CD22: variants seen among roughly 807,000 people sequenced by gnomAD.
CD22 encodes the protein CD22 molecule.
In CD22, 51 loss-of-function variants were observed where a neutral mutation model predicts 94.7. That is an observed-to-expected ratio of 0.54 (90% confidence interval 0.43 to 0.68). CD22 has a LOEUF of 0.68. Among genes scored for constraint, CD22 ranks in the 30% least tolerant of loss-of-function variants. CD22 has a pLI of 0.00. For synonymous variants in CD22, 424 were observed against 422.5 expected (o/e 1.00, Z -0.04); for missense variants, 931 against 1,060.4 (o/e 0.88, Z 1.69).
At position 35,346,800 on chromosome 19, in the gene CD22, G is replaced by GCACACACACACACACACGCA. The variant is rs1185154907; in HGVS notation, c.*121_*140dup. On this transcript the variant is annotated 3_prime_UTR_variant, in exon 14 of 14. Coordinates refer to ENST00000085219, the MANE Select transcript of CD22 (RefSeq NM_001771.4). Reference sequence around the variant, plus strand: ...ATGGCTTCCTCCTGCGCGCATGTGCGCACACACACACACACACGCACACAC... The same window carrying GCACACACACACACACACGCA: ...ATGGCTTCCTCCTGCGCGCATGTGCGCACACACACACACACACGCACACACACACACACACACGCACACAC... 3.6e-5 allele frequency: 33 copies of GCACACACACACACACACGCA among 907,944 alleles called. No homozygotes were observed. The African/African-American group carries it at 5.2e-4, about 14-fold the overall frequency. The allele number at this position is 907,944 out of a possible 1,614,324, so 56.2% of individuals were successfully genotyped here.
In CD22 at chr19:35,331,930, A is replaced by T. The variant is rs1255970127; in HGVS notation, c.-22-89A>T. 3 of 1,599,736 alleles carry T rather than the reference A, an allele frequency of 1.9e-6. No homozygotes were observed. The Admixed American group carries it at 5.1e-5, about 27-fold the overall frequency. On this transcript the variant is annotated intron_variant, in intron 1 of 13. Transcript: ENST00000085219. ...GACCCGGTCCTCCCGGATCCAGGGGAAGGGTCGGAGCTCAGTGGGTGAGCA... is the reference window on the plus strand; with the variant it reads ...GACCCGGTCCTCCCGGATCCAGGGGTAGGGTCGGAGCTCAGTGGGTGAGCA...
rs1274679225 is a variant in CD22, at chr19:35,335,064, C to T, written c.413-972C>T. Among the ~76,000 whole-genome samples the T allele has an allele frequency of 3.0e-4, 34 of 113,108 alleles. No individual in the cohort carries two copies. In the Admixed American group the frequency reaches 3.7e-3, roughly 12 times the overall value. 74.2% of individuals were successfully genotyped at this position (113,108 alleles called of 152,430 possible). ...CTACACTCCAGTCCGGGCGACAGAG[C>T]GAGACTCTGTCTCAAAAAAAAAAAA... On this transcript the variant is annotated intron_variant, in intron 3 of 13. Transcript: ENST00000085219.
intron 4 of CD22, chr19:35,336,715 G>A (rs935838724): frequency 4.4e-5 from 10 of 229,442 alleles, no homozygotes; most frequent in Admixed American, 1.0e-4. Flanking sequence ...GCGGTGGGCA[G>A]GGTGCAGCAG....
intron 1 of CD22, among the ~76,000 whole-genome samples, chr19:35,330,213 A>G (rs1041439477): frequency 1.3e-5 from 2 of 152,150 alleles, no homozygotes; most frequent in Admixed American, 6.5e-5. Context: ...GCACATGCCT[A>G]TAGTCCCAGC....
chr19:35,334,224 C>G (rs79620346), intron 3 of CD22, among the ~76,000 whole-genome samples: 3,714 of 152,202 alleles, frequency 0.024, 135 homozygotes, highest in African/African-American at 0.085. Flanking sequence ...TCAAGGAGGT[C>G]TGTGTGACCT....
Position 35,331,591 on chromosome 19 carries a change from G to A in CD22, c.-22-428G>A, listed in dbSNP as rs16970221. ...CGGCCAGGAGTGGTGGCTCACACCT[G>A]TAGTGCCAGCACTTTGGGAGGCCAA... On this transcript the variant is annotated intron_variant, in intron 1 of 13. Transcript: ENST00000085219. The A allele has an allele frequency of 5.6e-3, 1,019 of 180,942 alleles. 31 individuals carry two copies. The East Asian group carries it at 0.064, about 11-fold the overall frequency. 11.2% of individuals were successfully genotyped at this position (180,942 alleles called of 1,614,324 possible). A position where few individuals can be genotyped will look rare whatever the true frequency, so the allele number is the denominator to read the frequency against.
chr19:35,346,203 G>GTCA lies in CD22; in HGVS notation c.2381_2383dup (p.Val794_Thr795insIle). On this transcript the variant is annotated inframe_insertion, in exon 13 of 14. Transcript: ENST00000085219. ...ACCTCCCCCGGACTGCGATGACACG[G>GTCA]TCACTTATTCAGCATTGCACAAGCG... The GTCA allele has an allele frequency of 4.3e-6, 7 of 1,614,080 alleles. No homozygotes were observed. Among genetic ancestry groups the GTCA allele is most frequent in the Non-Finnish European group, 5.9e-6 (7 of 1,179,958 alleles).
intron 3 of CD22, among the ~76,000 whole-genome samples, chr19:35,333,426 G>C (rs2066673984): frequency 6.6e-6 from 1 of 152,166 alleles, no homozygotes; most frequent in East Asian, 1.9e-4. Flanking sequence ...CACTCCCTAG[G>C]GCAGAGGCCC....
chr19:35,346,005 T>C, intron 12 of CD22, 146 bp from the exon 13 acceptor site: 1 of 674,824 alleles, frequency 1.5e-6, no homozygotes, highest in South Asian at 1.7e-5. Context: ...CACGAGCTCC[T>C]ACTGTGAGCT....
chr19:35,338,242 A>G lies in CD22; in HGVS notation c.1060A>G (p.Met354Val), dbSNP rs1475290900. The G allele has an allele frequency of 6.2e-7, 1 of 1,614,092 alleles. No homozygotes were observed. Among genetic ancestry groups the G allele is most frequent in the Non-Finnish European group, 8.5e-7 (1 of 1,180,042 alleles). Reference protein sequence around the residue: ...VEGSQVEFLCMSLANPLPTNY... With the variant: ...VEGSQVEFLCVSLANPLPTNY... ...GGGAAGTCAAGTCGAGTTTCTTTGC[A>G]TGTCACTGGCCAATCCTCTTCCAAC... Residue 354 changes from methionine to valine, a missense_variant, in exon 6 of 14, where the codon ATG becomes GTG. Coordinates refer to ENST00000085219, the MANE Select transcript of CD22 (RefSeq NM_001771.4).
Position 35,341,805 on chromosome 19 carries a change from C to T in CD22, c.1875C>T (p.Ser625=), listed in dbSNP as rs1426543085. The T allele has an allele frequency of 7.4e-6, 12 of 1,613,728 alleles. No individual in the cohort carries two copies. In the Admixed American group the frequency reaches 2.0e-4, roughly 27 times the overall value. ...TCESDANPPV[S]HYTWFDWNNQ... is the part of the protein sequence containing the mutation. ...AGAGCGACGCCAACCCTCCCGTCTC[C>T]CACTACACCTGGTTTGACTGGAATA... The change falls in exon 9 of 14, where the codon TCC becomes TCT. Residue 625 remains serine, a synonymous_variant. Transcript: ENST00000085219. The surrounding 1 kb of genome is among the most constrained non-coding windows in gnomAD (Gnocchi z 4.0).
intron 6 of CD22, 116 bp downstream of exon 6, chr19:35,338,547 G>GGGTC: frequency 9.2e-7 from 1 of 1,087,588 alleles, no homozygotes; most frequent in Non-Finnish European, 1.3e-6. Context: ...GGAGCAGCCA[G>GGGTC]GGTCTCCTGT....
chr19:35,346,960 T>G lies in CD22; in HGVS notation c.*263T>G. ...CTTGCTACCCAGAAATCCATCTAAA[T>G]ACCTGCCCTGACATGCACACCTCCC... On this transcript the variant is annotated 3_prime_UTR_variant, in exon 14 of 14. Transcript: ENST00000085219. 2 of 393,590 alleles carry G rather than the reference T, an allele frequency of 5.1e-6. No homozygotes were observed. Among genetic ancestry groups the G allele is most frequent in the Middle Eastern group, 7.2e-4 (1 of 1,382 alleles). The allele number at this position is 393,590 out of a possible 1,614,324, so 24.4% of individuals were successfully genotyped here.
At chr19:35,346,378 G>A (rs556495998) in intron 13 of CD22, 143 bp downstream of exon 13, 12 of 1,085,430 alleles carry the variant, frequency 1.1e-5, no homozygotes, top group African/African-American at 7.8e-5. Context: ...CGGTTGCTCC[G>A]GCAGAGCTGG....
intron 11 of CD22, 58 bp downstream of exon 11, chr19:35,345,184 G>A: frequency 5.5e-6 from 8 of 1,452,796 alleles, no homozygotes; most frequent in Non-Finnish European, 7.7e-6. Context: ...TTGGGAGGCT[G>A]AGGCAGGTGG....
intron 6 of CD22, among the ~76,000 whole-genome samples, chr19:35,339,134 G>A (rs1159261639): frequency 1.3e-5 from 2 of 152,150 alleles, no homozygotes; most frequent in Non-Finnish European, 2.9e-5. Context: ...TACTGGGGAG[G>A]CTGAGGAGGG....
chr19:35,333,876 T>G (rs1339610745), intron 3 of CD22, among the ~76,000 whole-genome samples: 2 of 152,210 alleles, frequency 1.3e-5, no homozygotes, highest in South Asian at 4.1e-4. Context: ...CAAGAGACGA[T>G]GGAAATCTAG....
At chr19:35,338,506 G>C (rs1263153041) in intron 6 of CD22, 75 bp downstream of exon 6, 2 of 1,469,156 alleles carry the variant, frequency 1.4e-6, no homozygotes, top group African/African-American at 2.8e-5. Context: ...ATGGGGTGCA[G>C]GGCATTCCGG....
At chr19:35,338,775 G>A (rs890261938) in intron 6 of CD22, among the ~76,000 whole-genome samples, 14 of 152,086 alleles carry the variant, frequency 9.2e-5, no homozygotes, top group African/African-American at 2.2e-4. Flanking sequence ...GATGACAGGC[G>A]CCCGCCACCA....
Sources: allele counts gnomAD v4.1 joint callset (sites outside exome capture counted in the v4.1 genomes callset), GRCh38; gene constraint gnomAD v4.1.1; non-coding constraint Gnocchi (gnomAD v3.1); transcripts MANE v1.5; gene names NCBI Gene and HGNC (gene_info 2026-07-23, HGNC 2026-07-21).